FAT3: variants seen among roughly 807,000 people sequenced by gnomAD.
FAT3 encodes FAT atypical cadherin 3, also known as protocadherin Fat 3.
In FAT3, 95 loss-of-function variants were observed where a neutral mutation model predicts 310.2. That is an observed-to-expected ratio of 0.31 (90% CI 0.26 to 0.36). The LOEUF is 0.36. Among genes scored for constraint, FAT3 ranks in the 10% least tolerant of loss-of-function variants. FAT3 has a pLI of 1.00. For synonymous variants in FAT3, 2,314 were observed against 2,192.9 expected (o/e 1.06, Z -1.54); for missense variants, 5,408 against 5,715.6 (o/e 0.95, Z 1.74).
intron 2 of FAT3, among the ~76,000 whole-genome samples, chr11:92,379,121 T>C (rs1949427019): frequency 6.6e-6 from 1 of 152,166 alleles, no homozygotes; most frequent in Non-Finnish European, 1.5e-5. Context: ...TAAGAAACAC[T>C]TTTCCAACCT....
At chr11:92,403,207 A>G (rs1475440257) in intron 2 of FAT3, 2 of 152,156 alleles carry the variant, frequency 1.3e-5, no homozygotes, top group Non-Finnish European at 2.9e-5. Context: ...ACAAGAAGAA[A>G]AAGTCTGTGG....
chr11:92,343,163 A>G (rs1948312186), intron 1 of FAT3, among the ~76,000 whole-genome samples: 2 of 152,234 alleles, frequency 1.3e-5, no homozygotes, highest in Admixed American at 1.3e-4. Context: ...CTCTTGCTGC[A>G]TGCTGACTGA....
chr11:92,665,512 A>G (rs2135806592), intron 3 of FAT3, among the ~76,000 whole-genome samples: 1 of 152,342 alleles, frequency 6.6e-6, no homozygotes. Context: ...GAAGTCTCCT[A>G]GAGGTAGTTC....
chr11:92,708,696 T>C (rs571239404), intron 4 of FAT3, among the ~76,000 whole-genome samples: 1 of 152,378 alleles, frequency 6.6e-6, no homozygotes, highest in East Asian at 1.9e-4. Context: ...TTGAATATAC[T>C]TATGATACTT....
At chr11:92,447,651 G>T (rs992908643) in intron 2 of FAT3, among the ~76,000 whole-genome samples, 1 of 151,868 alleles carries the variant, frequency 6.6e-6, no homozygotes, top group Non-Finnish European at 1.5e-5. Flanking sequence ...TTACTTAGAA[G>T]CGCTTTTCTT....
At chr11:92,336,140 G>T in intron 1 of FAT3, 1 of 542,196 alleles carries the variant, frequency 1.8e-6, no homozygotes, top group Admixed American at 2.1e-5. Context: ...CAGCTCTGCA[G>T]TGGGCCCACT....
At chr11:92,564,744 A>G (rs10765553) in intron 3 of FAT3, among the ~76,000 whole-genome samples, 139,564 of 149,568 alleles carry the variant, frequency 0.93, 65,882 homozygotes, top group East Asian at 1. Flanking sequence ...ACTCAAAACC[A>G]CTCAACTACA....
intron 13 of FAT3, among the ~76,000 whole-genome samples, chr11:92,812,594 G>A (rs1237713806): frequency 2.0e-5 from 3 of 150,204 alleles, no homozygotes; most frequent in Non-Finnish European, 3.0e-5. Context: ...AAAAAAAAAA[G>A]AAAGAAGGAA....
chr11:92,401,267 G>T (rs1319004819), intron 2 of FAT3, among the ~76,000 whole-genome samples: 1 of 152,104 alleles, frequency 6.6e-6, no homozygotes, highest in Non-Finnish European at 1.5e-5. Context: ...CACTTTCACA[G>T]GCTTTTCCCC....
intron 1 of FAT3, among the ~76,000 whole-genome samples, chr11:92,276,068 A>G (rs1158578893): frequency 6.6e-6 from 1 of 152,034 alleles, no homozygotes; most frequent in African/African-American, 2.4e-5. Context: ...ATGACAGAAT[A>G]CTTTTTCTGC....
chr11:92,805,671 G>A (rs1362566416), intron 11 of FAT3, among the ~76,000 whole-genome samples: 1 of 151,942 alleles, frequency 6.6e-6, no homozygotes, highest in African/African-American at 2.4e-5. Flanking sequence ...TATCATAAAA[G>A]AGAAATGGAC....
chr11:92,705,227 A>G (rs1944234478), intron 4 of FAT3, among the ~76,000 whole-genome samples: 1 of 152,094 alleles, frequency 6.6e-6, no homozygotes, highest in South Asian at 2.1e-4. Context: ...TAATCCCCCC[A>G]AAAGGTTTTA....
intron 2 of FAT3, among the ~76,000 whole-genome samples, chr11:92,426,670 A>G (rs1180905688): frequency 6.6e-6 from 1 of 152,160 alleles, no homozygotes; most frequent in Non-Finnish European, 1.5e-5. Flanking sequence ...AGGTTTGTCA[A>G]AGATCAGATG....
chr11:92,629,467 G>A (rs1189710976), intron 3 of FAT3, among the ~76,000 whole-genome samples: 6 of 146,954 alleles, frequency 4.1e-5, no homozygotes, highest in African/African-American at 7.6e-5. Flanking sequence ...GTTCACCCAG[G>A]CTGCTAGGCT....
At position 92,837,714 on chromosome 11, in the gene FAT3, A is replaced by G. The variant is rs762087303; in HGVS notation, c.10276A>G (p.Met3426Val). 13 of 1,613,948 alleles carry G rather than the reference A, an allele frequency of 8.1e-6. No homozygotes were observed. The highest frequency in any genetic ancestry group is 1.1e-5 in the Non-Finnish European group (13 of 1,179,866). The change falls in exon 17 of 28, where the codon ATG (methionine) becomes GTG (valine). Residue 3426 changes from methionine (M) to valine (V), a missense_variant. Physicochemically the swap from Met to Val is conservative, Grantham distance 21. Transcript: ENST00000525166. Reference protein sequence around the residue: ...VQAVDSGIPAMSSTATVNIDI... With the variant: ...VQAVDSGIPAVSSTATVNIDI... The stretch of plus-strand genomic sequence containing the variant: ...GGCCGTAGACAGTGGCATTCCTGCA[A>G]TGTCATCAACTGCAACTGTCAACAT...
At chr11:92,442,366 G>C (rs1951095974) in intron 2 of FAT3, among the ~76,000 whole-genome samples, 1 of 150,518 alleles carries the variant, frequency 6.6e-6, no homozygotes, top group Non-Finnish European at 1.5e-5. Context: ...GCCTGCCTCG[G>C]CCTCCCAAAG....
At chr11:92,601,893 A>G (rs916884232) in intron 3 of FAT3, among the ~76,000 whole-genome samples, 4 of 151,442 alleles carry the variant, frequency 2.6e-5, no homozygotes, top group African/African-American at 9.7e-5. Context: ...CAAAATGGCT[A>G]GTACTTAACA....
At chr11:92,265,812 AC>A (rs1021553431) in intron 1 of FAT3, among the ~76,000 whole-genome samples, 20 of 151,548 alleles carry the variant, frequency 1.3e-4, no homozygotes, top group African/African-American at 4.8e-4. Flanking sequence ...CACTCATGAG[AC>A]TCTACCCTCA....
At chr11:92,533,034 T>C (rs11019985) in intron 3 of FAT3, among the ~76,000 whole-genome samples, 24,747 of 151,974 alleles carry the variant, frequency 0.16, 3,210 homozygotes, top group African/African-American at 0.36. Context: ...CCCAGACCAC[T>C]ATCTGTTTGT....
Sources: gnomAD v4.1 joint callset for allele counts (sites outside exome capture counted in the v4.1 genomes callset) on GRCh38, gnomAD v4.1.1 for gene constraint, MANE v1.5 for transcripts, NCBI Gene and HGNC (gene_info 2026-07-23, HGNC 2026-07-21) for gene names.